Variants in AGXT observed in about 807,000 individuals in gnomAD.
AGXT encodes L-alanine: glyoxylate aminotransferase 1.
AGXT carries 41 observed loss-of-function variants against 46.9 expected under a neutral mutation model. The ratio of observed to expected loss-of-function variants is 0.88; its 90% CI spans 0.68 to 1.14. AGXT has a LOEUF of 1.14. AGXT is among the 50% of genes most tolerant of loss of function. The probability of loss-of-function intolerance (pLI) is 0.00; values close to 1 mark genes in which losing one functional copy is unlikely to be tolerated. For synonymous variants in AGXT, 244 were observed against 227.9 expected (o/e 1.07, Z -0.64); for missense variants, 525 against 522.7 (o/e 1.00, Z -0.04).
In AGXT at chr2:240,878,822, C is replaced by T. The variant is rs1051875203; in HGVS notation, c.*1C>T. The T allele has an allele frequency of 3.8e-6, 6 of 1,585,814 alleles. No homozygotes were observed. The African/African-American group carries it at 6.7e-5, about 18-fold the overall frequency. On this transcript the variant is annotated 3_prime_UTR_variant, in exon 11 of 11. Coordinates refer to ENST00000307503, the MANE Select transcript of AGXT (RefSeq NM_000030.3). ...GCACTGCCCCAAGAAGAAGCTGTGA[C>T]CTGCCCACTGGCACACAGCTGGCAC...
Position 240,869,261 on chromosome 2 carries a change from T to G in AGXT, c.257T>G (p.Leu86Arg). The change falls in exon 2 of 11, where the codon CTG becomes CGG. Residue 86 changes from leucine (L) to arginine (R), a missense_variant. Coordinates refer to ENST00000307503, the MANE Select transcript of AGXT (RefSeq NM_000030.3). ...ATCTCTGGCTCGGGACACTGTGCCC[T>G]GGAGGCCGCCCTGGTCAATGTGCTG... ...LVISGSGHCA[L>R]EAALVNVLEP... 1 of 1,613,838 alleles carries G rather than the reference T, an allele frequency of 6.2e-7. No individual in the cohort carries two copies. Among genetic ancestry groups the G allele is most frequent in the South Asian group, 1.1e-5 (1 of 91,078 alleles).
intron 8 of AGXT, 111 bp from the exon 9 acceptor site, chr2:240,877,426 T>G: frequency 9.4e-7 from 1 of 1,064,500 alleles, no homozygotes; most frequent in Non-Finnish European, 1.4e-6. Context: ...CTCCAGGGGC[T>G]CCCCTGCACC....
chr2:240,869,057 C>G, intron 1 of AGXT, 27 bp downstream of exon 1: 1 of 1,610,636 alleles, frequency 6.2e-7, no homozygotes, highest in Non-Finnish European at 8.5e-7. Context: ...CTCGGGGGGC[C>G]TGGGTCTCAC....
intron 8 of AGXT, 159 bp downstream of exon 8, chr2:240,876,163 T>G (rs1575711351): frequency 1.1e-6 from 1 of 899,194 alleles, no homozygotes. Flanking sequence ...GGGCCCCGGG[T>G]ACACTGGCTG....
In AGXT at chr2:240,880,387, G is replaced by A. The variant is rs907264919; in HGVS notation, c.*1566G>A. 7.9e-5 allele frequency: 12 copies of A among 151,822 alleles called. No individual in the cohort carries two copies. Among genetic ancestry groups the A allele is most frequent in the Admixed American group, 7.2e-4 (11 of 15,250 alleles). The allele number at this position is 151,822 out of a possible 1,614,324, so 9.4% of individuals were successfully genotyped here. Reference sequence around the variant, plus strand: ...GTTGAGCAACTTCTCATGAGCTATCGGCCGTTTGTAGATCTTCTGAAAAGT... The same window carrying A: ...GTTGAGCAACTTCTCATGAGCTATCAGCCGTTTGTAGATCTTCTGAAAAGT... On this transcript the variant is annotated 3_prime_UTR_variant, in exon 11 of 11. Coordinates refer to ENST00000307503, the MANE Select transcript of AGXT (RefSeq NM_000030.3).
chr2:240,875,263 G>A (rs375150507), intron 7 of AGXT, 59 bp downstream of exon 7: 127 of 1,408,252 alleles, frequency 9.0e-5, no homozygotes, highest in East Asian at 1.4e-4. Flanking sequence ...GAGGTGGGGC[G>A]CTGGCCTCTC....
Position 240,875,125 on chromosome 2 carries a change from C to A in AGXT, c.697C>A (p.Arg233Ser). ...SDKAKKKMYSRKTKPFSFYLD... is the reference protein window; with the variant it reads ...SDKAKKKMYSSKTKPFSFYLD... The stretch of plus-strand genomic sequence containing the variant: ...TCTCCCCAGAAAGAAGATGTACTCC[C>A]GCAAGACGAAGCCCTTCTCCTTCTA... Residue 233 changes from arginine (R) to serine (S), a missense_variant, in exon 7 of 11, where the codon CGC (arginine) becomes AGC (serine). By Grantham distance (110) the Arg-to-Ser change is moderately radical (BLOSUM62 -1). Coordinates refer to ENST00000307503, the MANE Select transcript of AGXT (RefSeq NM_000030.3). 1 of 1,613,296 alleles carries A rather than the reference C, an allele frequency of 6.2e-7. No individual in the cohort carries two copies. Among genetic ancestry groups the A allele is most frequent in the Non-Finnish European group, 8.5e-7 (1 of 1,179,244 alleles).
At chr2:240,872,885 C>G (rs2058999549) in intron 4 of AGXT, 94 bp from the exon 5 acceptor site, 1 of 1,146,408 alleles carries the variant, frequency 8.7e-7, no homozygotes, top group Admixed American at 1.7e-5. Flanking sequence ...CCTTGCCAGC[C>G]TGAGGCTCAG....
At chr2:240,878,232 G>A in intron 10 of AGXT, 82 bp downstream of exon 10, 1 of 1,575,752 alleles carries the variant, frequency 6.3e-7, no homozygotes, top group Non-Finnish European at 8.6e-7. Flanking sequence ...CCAGGTGCAG[G>A]GGAGGCCGGG....
chr2:240,875,433 C>T (rs754941819), intron 7 of AGXT, among the ~76,000 whole-genome samples: 12 of 152,222 alleles, frequency 7.9e-5, no homozygotes, highest in Non-Finnish European at 1.3e-4. Context: ...CCCCCACTGC[C>T]GCTTCCACAA....
In AGXT at chr2:240,879,463, C is replaced by G. The variant is rs2059046538; in HGVS notation, c.*642C>G. 6.5e-6 allele frequency: 1 copy of G among 153,316 alleles called. No homozygotes were observed. Among genetic ancestry groups the G allele is most frequent in the Non-Finnish European group, 1.5e-5 (1 of 68,894 alleles). The allele number at this position is 153,316 out of a possible 1,614,324, so 9.5% of individuals were successfully genotyped here. ...GCTCCCATCCAGCCAGTGCCCACCC[C>G]TCAACTGCCTGACTTCTGTGACCAT... On this transcript the variant is annotated 3_prime_UTR_variant, in exon 11 of 11. Coordinates refer to ENST00000307503, the MANE Select transcript of AGXT (RefSeq NM_000030.3).
Position 240,879,138 on chromosome 2 carries a change from GAA to G in AGXT, c.*319_*320del, listed in dbSNP as rs547040973. 4.5e-4 allele frequency: 212 copies of G among 473,988 alleles called. No individual in the cohort carries two copies. Among genetic ancestry groups the G allele is most frequent in the African/African-American group, 3.8e-3 (195 of 51,042 alleles). The allele number at this position is 473,988 out of a possible 1,614,324, so 29.4% of individuals were successfully genotyped here. A position where few individuals can be genotyped will look rare whatever the true frequency, so the allele number is the denominator to read the frequency against. On this transcript the variant is annotated 3_prime_UTR_variant, in exon 11 of 11. Coordinates refer to ENST00000307503, the MANE Select transcript of AGXT (RefSeq NM_000030.3). ...CTCCTCACTGTGTGGGGTGGTCTGT[GAA>G]AGAGTGAGAGGAGAGCATCTCTGCT... is the stretch of plus-strand genomic sequence containing the variant.
Position 240,871,320 on chromosome 2 carries a change from T to C in AGXT, c.424-29T>C, listed in dbSNP as rs73106676. 1.7e-4 allele frequency: 261 copies of C among 1,549,892 alleles called. No homozygotes were observed. In the African/African-American group the frequency reaches 3.3e-3, roughly 20 times the overall value. ...TGTTCTGGCCCCTGCCCCTCTGAGC[T>C]CCACCCACAGCCGTCCCTGCTTCCT... On this transcript the variant is annotated intron_variant, in intron 3 of 10. Coordinates refer to ENST00000307503, the MANE Select transcript of AGXT (RefSeq NM_000030.3).
At chr2:240,870,092 GTCCCCTTGGCCGCAGGTTCT>G (rs2058983514) in intron 2 of AGXT, among the ~76,000 whole-genome samples, 1 of 152,124 alleles carries the variant, frequency 6.6e-6, no homozygotes, top group Non-Finnish European at 1.5e-5. Context: ...TCCCCATTCT[GTCCCCTTGGCCGCAGGTTCT>G]TCCCCTCCCA....
Position 240,868,886 on chromosome 2 carries a change from G to C in AGXT, c.21G>C (p.Leu7=), listed in dbSNP as rs1455078510. The change falls in exon 1 of 11, where the codon CTG becomes CTC. Residue 7 remains leucine, a synonymous_variant. Coordinates refer to ENST00000307503, the MANE Select transcript of AGXT (RefSeq NM_000030.3). MASHKL[L]VTPPKALLKP... is the part of the protein sequence containing the mutation. ...GGACCATGGCCTCTCACAAGCTGCT[G>C]GTGACCCCCCCCAAGGCCCTGCTCA... The C allele has an allele frequency of 3.7e-6, 6 of 1,612,560 alleles. No homozygotes were observed. The highest frequency in any genetic ancestry group is 5.1e-6 in the Non-Finnish European group (6 of 1,179,758).
At chr2:240,874,210 C>G in intron 6 of AGXT, 148 bp downstream of exon 6, 2 of 796,416 alleles carry the variant, frequency 2.5e-6, no homozygotes, top group Admixed American at 2.3e-5. Context: ...CTCTGGGAGG[C>G]CAAAGGCACT....
intron 6 of AGXT, among the ~76,000 whole-genome samples, chr2:240,874,561 G>A (rs564506022): frequency 2.6e-5 from 4 of 152,370 alleles, no homozygotes; most frequent in South Asian, 2.1e-4. Context: ...TGGAGGTGCC[G>A]TTCCCCAGAA....
rs1386063919 is a variant in AGXT at position 240,868,834 on chromosome 2, C to T, written c.-32C>T. The T allele has an allele frequency of 4.4e-6, 7 of 1,600,568 alleles. No homozygotes were observed. The highest frequency in any genetic ancestry group is 6.0e-6 in the Non-Finnish European group (7 of 1,173,696). ...GCTTTGGCCAAGGCCAGTGCAGCCC[C>T]AGGTTCCCGAGCGGCAGGTTGGGTG... On this transcript the variant is annotated 5_prime_UTR_variant, in exon 1 of 11. Coordinates refer to ENST00000307503, the MANE Select transcript of AGXT (RefSeq NM_000030.3).
At position 240,877,545 on chromosome 2, in the gene AGXT, G is replaced by A; in HGVS notation, c.855G>A (p.Glu285=). 3 of 1,549,104 alleles carry A rather than the reference G, an allele frequency of 1.9e-6. No homozygotes were observed. The highest frequency in any genetic ancestry group is 1.7e-6 in the Non-Finnish European group (2 of 1,145,754). The change falls in exon 9 of 11, where the codon GAG becomes GAA. Residue 285 remains glutamate (E), a synonymous_variant. Coordinates refer to ENST00000307503, the MANE Select transcript of AGXT (RefSeq NM_000030.3). The part of the protein sequence containing the change: ...SLALIAEQGL[E]NSWRQHREAA... ...CGCCATCTCCCACACAGGGCCTGGA[G>A]AACAGCTGGCGCCAGCACCGCGAGG...
Sources: allele counts gnomAD v4.1 joint callset (sites outside exome capture counted in the v4.1 genomes callset), GRCh38; gene constraint gnomAD v4.1.1; transcripts MANE v1.5; gene names NCBI Gene and HGNC (gene_info 2026-07-23, HGNC 2026-07-21).